The following POLD1 variants were observed in gnomAD, a reference collection of about 807,000 sequenced individuals.
POLD1 encodes DNA polymerase delta catalytic subunit.
Under a neutral mutation model 129.7 loss-of-function variants are expected in POLD1, and 79 were observed. That is an observed-to-expected ratio of 0.61 (90% CI 0.51 to 0.73). The LOEUF (loss-of-function observed/expected upper bound fraction) is 0.73. POLD1 is among the 30% of genes least tolerant of loss of function. The pLI is 0.00. For missense variants in POLD1, 1,338 were observed against 1,595.8 expected (o/e 0.84, Z 2.75); for synonymous variants, 714 against 683.3 (o/e 1.04, Z -0.70).
chr19:50,392,418 C>T (rs141529608), intron 1 of POLD1, among the ~76,000 whole-genome samples: 145 of 152,044 alleles, frequency 9.5e-4, no homozygotes, highest in African/African-American at 3.2e-3. Flanking sequence ...TTCATGACAT[C>T]GACAGTTTTA....
At position 50,417,996 on chromosome 19, in the gene POLD1, A is replaced by C; in HGVS notation, c.*49A>C. The C allele has an allele frequency of 8.6e-7, 1 of 1,165,934 alleles. No individual in the cohort carries two copies. The highest frequency in any genetic ancestry group is 1.3e-6 in the Non-Finnish European group (1 of 791,134). The allele number at this position is 1,165,934 out of a possible 1,614,324, so 72.2% of individuals were successfully genotyped here. ...GGGGCGGGACCAGGGAGAATTAATA[A>C]AGTTCTGGACTTTTGCTATATGGTG... is the stretch of plus-strand genomic sequence containing the variant. On this transcript the variant is annotated 3_prime_UTR_variant, in exon 27 of 27. Transcript: ENST00000440232.
chr19:50,401,714 T>C, intron 3 of POLD1, 64 bp from the exon 4 acceptor site: 1 of 1,570,122 alleles, frequency 6.4e-7, no homozygotes, highest in Non-Finnish European at 8.7e-7. Flanking sequence ...ATTTCGAGGC[T>C]GTGGAGACAC....
At chr19:50,401,969 C>A (rs747336924) in intron 4 of POLD1, 30 bp from the exon 5 acceptor site, 2 of 1,614,156 alleles carry the variant, frequency 1.2e-6, no homozygotes, top group Non-Finnish European at 1.7e-6. Context: ...CTGGAGCCCC[C>A]TGCACCTCTG....
chr19:50,395,876 CTTT>C (rs774272686), intron 1 of POLD1, among the ~76,000 whole-genome samples: 1,508 of 73,522 alleles, frequency 0.021, 18 homozygotes, highest in African/African-American at 0.08. Flanking sequence ...AGGATATATA[CTTT>C]TTTTTTTTTT....
At position 50,416,532 on chromosome 19, in the gene POLD1, CG is replaced by C. The variant is rs2039299893; in HGVS notation, c.2953+9del. On this transcript the variant is annotated splice_donor_5th_base_variant and intron_variant, in intron 23 of 26. Coordinates refer to ENST00000440232, the MANE Select transcript of POLD1 (RefSeq NM_002691.4). ...CGTGCCGAGGCTGTGCTACTGCGTA[CG>C]GGGGCACCAGGGGACTGGGGGCACC... is the stretch of plus-strand genomic sequence containing the variant. The C allele has an allele frequency of 1.3e-6, 2 of 1,551,430 alleles. No individual in the cohort carries two copies. Among genetic ancestry groups the C allele is most frequent in the African/African-American group, 1.4e-5 (1 of 73,294 alleles).
chr19:50,406,168 C>G lies in POLD1; in HGVS notation c.1243-14C>G, dbSNP rs3218762. 55 of 1,609,640 alleles carry G rather than the reference C, an allele frequency of 3.4e-5. No individual in the cohort carries two copies. The highest frequency in any genetic ancestry group is 2.8e-4 in the African/African-American group (21 of 74,960). On this transcript the variant is annotated splice_polypyrimidine_tract_variant and intron_variant, in intron 10 of 26. Transcript: ENST00000440232. This position sits in a 1 kb window ranked among gnomAD's most constrained non-coding sequence, Gnocchi z 5.5. ...GACCCGCAGCCTGCTGCACACCCTGCCTCTCCTCCTCAGGTACAAACATTC... is the reference window on the plus strand; with the variant it reads ...GACCCGCAGCCTGCTGCACACCCTGGCTCTCCTCCTCAGGTACAAACATTC...
In POLD1 at chr19:50,406,846, C is replaced by A. The variant is rs957280286; in HGVS notation, c.1495-137C>A. The A allele has an allele frequency of 1.4e-6, 1 of 697,776 alleles. No homozygotes were observed. The highest frequency in any genetic ancestry group is 2.6e-5 in the East Asian group (1 of 38,560). The allele number at this position is 697,776 out of a possible 1,614,324, so 43.2% of individuals were successfully genotyped here. ...ACCTCCATCCCCACCCAGACCCTGA[C>A]GACTTGGAGGGCCCTCCTGCCCGCC... On this transcript the variant is annotated intron_variant, in intron 12 of 26. Transcript: ENST00000440232. This position sits in a 1 kb window ranked among gnomAD's most constrained non-coding sequence, Gnocchi z 5.5.
chr19:50,399,560 G>A, intron 3 of POLD1, 76 bp downstream of exon 3: 1 of 1,107,746 alleles, frequency 9.0e-7, no homozygotes. Context: ...CAGCCCCTCT[G>A]GCCCTGTGCT....
chr19:50,397,471 C>T (rs1036900405), intron 1 of POLD1, among the ~76,000 whole-genome samples: 2 of 148,868 alleles, frequency 1.3e-5, no homozygotes, highest in African/African-American at 5.0e-5. Flanking sequence ...ATGGCACGAT[C>T]TCGGCTCACT....
chr19:50,385,849 T>A (rs1466932406), intron 1 of POLD1, among the ~76,000 whole-genome samples: 4 of 151,144 alleles, frequency 2.6e-5, no homozygotes, highest in Non-Finnish European at 4.4e-5. Flanking sequence ...CTTCCTGCAC[T>A]TCCCCCCCAC....
At chr19:50,392,752 C>T (rs775493219) in intron 1 of POLD1, among the ~76,000 whole-genome samples, 2 of 152,268 alleles carry the variant, frequency 1.3e-5, no homozygotes, top group Non-Finnish European at 2.9e-5. Context: ...GCTGGGATTA[C>T]AGGCGTGAGC....
At chr19:50,408,082 A>G (rs2038964143) in intron 14 of POLD1, among the ~76,000 whole-genome samples, 1 of 150,806 alleles carries the variant, frequency 6.6e-6, no homozygotes, top group Non-Finnish European at 1.5e-5. Flanking sequence ...CCTGTAATCA[A>G]TCCCAGCACT....
rs1207462965 is a variant in POLD1, at chr19:50,413,745, G to A, written c.2254G>A (p.Val752Met). 6.2e-7 allele frequency: 1 copy of A among 1,603,662 alleles called. No homozygotes were observed. The highest frequency in any genetic ancestry group is 2.2e-5 in the East Asian group (1 of 44,804). ...CACACATCCCCACCGCCCGCAGGTG[G>A]TGTATGGTGACACTGACTCCGTCAT... ...ENGYSTSAKV[V>M]YGDTDSVMCR... The change falls in exon 19 of 27, where the codon GTG becomes ATG. Residue 752 changes from valine to methionine, a missense_variant. Coordinates refer to ENST00000440232, the MANE Select transcript of POLD1 (RefSeq NM_002691.4).
At position 50,415,761 on chromosome 19, in the gene POLD1, G is replaced by T; in HGVS notation, c.2755G>T (p.Gly919Cys). The change falls in exon 22 of 27, where the codon GGC becomes TGC. Residue 919 changes from glycine (G) to cysteine (C), a missense_variant. Gly to Cys is a radical substitution (Grantham distance 159, BLOSUM62 -3). Coordinates refer to ENST00000440232, the MANE Select transcript of POLD1 (RefSeq NM_002691.4). ...GGACCCCGGGAGTGCGCCCAGCCTG[G>T]GCGACCGCGTCCCCTACGTGATCAT... Reference protein sequence around the residue: ...KRDPGSAPSLGDRVPYVIISA... With the variant: ...KRDPGSAPSLCDRVPYVIISA... The T allele has an allele frequency of 6.4e-7, 1 of 1,569,404 alleles. No individual in the cohort carries two copies. Among genetic ancestry groups the T allele is most frequent in the Non-Finnish European group, 8.6e-7 (1 of 1,160,144 alleles).
rs1426325954 is a variant in POLD1 at position 50,403,559 on chromosome 19, G to A, written c.1204G>A (p.Asp402Asn). The change falls in exon 10 of 27, where the codon GAC becomes AAC. Residue 402 changes from aspartate to asparagine, a missense_variant. Transcript: ENST00000440232. ...VITGYNIQNF[D>N]LPYLISRAQT... ...CACCGGTTACAACATCCAGAACTTC[G>A]ACCTTCCGTACCTCATCTCTCGGGC... 1 of 1,613,840 alleles carries A rather than the reference G, an allele frequency of 6.2e-7. No individual in the cohort carries two copies. Among genetic ancestry groups the A allele is most frequent in the Non-Finnish European group, 8.5e-7 (1 of 1,179,808 alleles).
At chr19:50,395,606 A>G (rs1024099356) in intron 1 of POLD1, among the ~76,000 whole-genome samples, 2 of 151,782 alleles carry the variant, frequency 1.3e-5, no homozygotes, top group Non-Finnish European at 2.9e-5. Context: ...AAAATAGTGT[A>G]AAGAACACCT....
rs1410087763 is a variant in POLD1, at chr19:50,413,827, C to T, written c.2336C>T (p.Ala779Val). 6.2e-7 allele frequency: 1 copy of T among 1,612,198 alleles called. No individual in the cohort carries two copies. Among genetic ancestry groups the T allele is most frequent in the Non-Finnish European group, 8.5e-7 (1 of 1,179,346 alleles). ...GCGATGGCCCTGGGGCGGGAGGCCG[C>T]GGACTGGGTGTCAGGTCACTTCCCG... ...AEAMALGREAADWVSGHFPSP... is the reference protein window; with the variant it reads ...AEAMALGREAVDWVSGHFPSP... The change falls in exon 19 of 27, where the codon GCG becomes GTG. Residue 779 changes from alanine to valine, a missense_variant. Physicochemically the swap from Ala to Val is moderately conservative, Grantham distance 64. Transcript: ENST00000440232.
Position 50,402,639 on chromosome 19 carries a change from G to A in POLD1, c.868G>A (p.Val290Met), listed in dbSNP as rs748657880. The change falls in exon 8 of 27, where the codon GTG becomes ATG. Residue 290 changes from valine to methionine, a missense_variant. By Grantham distance (21) the Val-to-Met change is conservative. This residue lies in a region of POLD1 where 720 missense variants were observed against 1,002.6 expected (regional missense o/e 0.72). Coordinates refer to ENST00000440232, the MANE Select transcript of POLD1 (RefSeq NM_002691.4). ...KATQCQLEAD[V>M]LWSDVVSHPP... ...TACGCAGTGCCAGCTGGAGGCGGAC[G>A]TGCTGTGGTCTGACGTGGTCAGTCA... 10 of 1,581,980 alleles carry A rather than the reference G, an allele frequency of 6.3e-6. No individual in the cohort carries two copies. The highest frequency in any genetic ancestry group is 3.7e-5 in the Admixed American group (2 of 54,586).
intron 1 of POLD1, among the ~76,000 whole-genome samples, chr19:50,397,090 CAAA>C (rs781378096): frequency 0.046 from 3,568 of 77,534 alleles, 182 homozygotes; most frequent in African/African-American, 0.14. Context: ...GACTCCATCT[CAAA>C]AAAAAAAAAA....
Sources: gnomAD v4.1 joint callset for allele counts (sites outside exome capture counted in the v4.1 genomes callset) on GRCh38, gnomAD v4.1.1 for gene constraint, gnomAD v4.1.1 regional missense constraint, Gnocchi (gnomAD v3.1) non-coding constraint, MANE v1.5 for transcripts, NCBI Gene and HGNC (gene_info 2026-07-23, HGNC 2026-07-21) for gene names.